The following SCAPER variants were observed in gnomAD, a reference collection of about 807,000 sequenced individuals.
SCAPER encodes S phase cyclin A-associated protein in the endoplasmic reticulum.
In SCAPER, 98 loss-of-function variants were observed where a neutral mutation model predicts 182.2. The ratio of observed to expected loss-of-function variants is 0.54; its 90% CI spans 0.46 to 0.64. The LOEUF (loss-of-function observed/expected upper bound fraction) is 0.64. SCAPER is among the 30% of genes least tolerant of loss of function. The pLI is 0.00. For missense variants in SCAPER, 1,432 were observed against 1,690.0 expected (o/e 0.85, Z 2.68); for synonymous variants, 605 against 564.6 (o/e 1.07, Z -1.01).
chr15:76,426,495 C>T (rs1199016474), intron 26 of SCAPER, among the ~76,000 whole-genome samples: 1 of 152,124 alleles, frequency 6.6e-6, no homozygotes, highest in Non-Finnish European at 1.5e-5. Flanking sequence ...ATGCTGGGAG[C>T]TGTAGACTGG....
chr15:76,806,138 T>C (rs923935777), intron 5 of SCAPER, among the ~76,000 whole-genome samples: 1 of 152,202 alleles, frequency 6.6e-6, no homozygotes, highest in Non-Finnish European at 1.5e-5. Context: ...GTCACAAAGA[T>C]GTATATGTTT....
chr15:76,574,106 T>A, intron 23 of SCAPER, 52 bp downstream of exon 23: 2 of 1,552,482 alleles, frequency 1.3e-6, no homozygotes, highest in Non-Finnish European at 1.7e-6. Context: ...ACTGTCATAG[T>A]GAGAAAGGAT....
intron 23 of SCAPER, among the ~76,000 whole-genome samples, chr15:76,528,504 A>G (rs1597213673): frequency 6.6e-6 from 1 of 152,182 alleles, no homozygotes; most frequent in Non-Finnish European, 1.5e-5. Flanking sequence ...GAATGGCACC[A>G]CCATCCATAC....
At position 76,492,868 on chromosome 15, in the gene SCAPER, G is replaced by T. The variant is rs868194234; in HGVS notation, c.2954+11991C>A. On this transcript the variant is annotated intron_variant, in intron 24 of 31. Transcript: ENST00000563290. ...TAGACTTGTAACACAATCTGAGAGT[G>T]TTTTTTTTTTTTTTTTTGCAGAAGA... Among the ~76,000 whole-genome samples the T allele has an allele frequency of 3.0e-3, 363 of 121,634 alleles. 5 individuals are homozygous for T. Among genetic ancestry groups the T allele is most frequent in the African/African-American group, 9.3e-3 (312 of 33,578 alleles). The allele number at this position is 121,634 out of a possible 152,430, so 79.8% of individuals were successfully genotyped here. A position where few individuals can be genotyped will look rare whatever the true frequency, so the allele number is the denominator to read the frequency against.
chr15:76,865,088 A>G (rs1174093457), intron 2 of SCAPER, among the ~76,000 whole-genome samples: 2 of 152,196 alleles, frequency 1.3e-5, no homozygotes, highest in Non-Finnish European at 2.9e-5. Flanking sequence ...TTTAAATTAC[A>G]GCATTTACAT....
chr15:76,737,925 T>C (rs1469700098), intron 15 of SCAPER, among the ~76,000 whole-genome samples: 1 of 152,228 alleles, frequency 6.6e-6, no homozygotes, highest in Admixed American at 6.5e-5. Flanking sequence ...GATCTTACTC[T>C]GGATTAGGCT....
intron 8 of SCAPER, among the ~76,000 whole-genome samples, chr15:76,777,978 A>T (rs764362161): frequency 5.9e-5 from 9 of 152,220 alleles, no homozygotes; most frequent in Non-Finnish European, 8.8e-5. Context: ...CTATTTTATA[A>T]TAGAGTGTTA....
chr15:76,584,886 A>G (rs2439991), intron 22 of SCAPER, among the ~76,000 whole-genome samples: 20,785 of 152,112 alleles, frequency 0.14, 1,466 homozygotes, highest in African/African-American at 0.18. Context: ...TTCACAAAAG[A>G]CTATATTCCC....
At chr15:76,444,623 T>A (rs2047864129) in intron 25 of SCAPER, among the ~76,000 whole-genome samples, 1 of 152,240 alleles carries the variant, frequency 6.6e-6, no homozygotes, top group Admixed American at 6.5e-5. Flanking sequence ...CACATTTACA[T>A]CTTTTGCCAA....
At chr15:76,844,838 G>C (rs556568021) in intron 4 of SCAPER, among the ~76,000 whole-genome samples, 1 of 152,122 alleles carries the variant, frequency 6.6e-6, no homozygotes, top group East Asian at 1.9e-4. Context: ...AACAGAGGAG[G>C]AGGGAATACT....
intron 22 of SCAPER, among the ~76,000 whole-genome samples, chr15:76,613,674 T>C (rs2051197894): frequency 6.6e-6 from 1 of 152,120 alleles, no homozygotes; most frequent in Non-Finnish European, 1.5e-5. Flanking sequence ...ACATCACTGA[T>C]CACTAGAGAA....
chr15:76,348,786 CT>C, intron 31 of SCAPER, 50 bp from the exon 32 acceptor site: 1 of 1,086,808 alleles, frequency 9.2e-7, no homozygotes, highest in South Asian at 1.6e-5. Context: ...GGGTTAAATT[CT>C]TTGAAGATTC....
chr15:76,461,330 CTT>C (rs58709477), intron 25 of SCAPER, among the ~76,000 whole-genome samples: 56 of 143,190 alleles, frequency 3.9e-4, no homozygotes, highest in East Asian at 8.0e-4. Flanking sequence ...TATTACCCAA[CTT>C]TTTTTTTTTT....
In SCAPER at chr15:76,375,451, CA is replaced by C. The variant is rs2042489779; in HGVS notation, c.3855+710del. ...AGGAGCCAAGAACAGTTTCATAGAGCACCAGACTCTAATACTATATGAAAAG... is the reference window on the plus strand; with the variant it reads ...AGGAGCCAAGAACAGTTTCATAGAGCCCAGACTCTAATACTATATGAAAAG... On this transcript the variant is annotated intron_variant, in intron 29 of 31. Transcript: ENST00000563290. Among the ~76,000 whole-genome samples, 5 of 151,852 alleles carry C rather than the reference CA, an allele frequency of 3.3e-5. No individual in the cohort carries two copies. In the South Asian group the frequency reaches 1.0e-3, roughly 32 times the overall value.
intron 8 of SCAPER, among the ~76,000 whole-genome samples, chr15:76,794,093 G>A (rs2065169307): frequency 6.6e-6 from 1 of 152,156 alleles, no homozygotes; most frequent in South Asian, 2.1e-4. Context: ...CCCACAGAAT[G>A]GCATAACTCG....
intron 19 of SCAPER, among the ~76,000 whole-genome samples, chr15:76,702,647 C>A (rs1373852059): frequency 6.6e-6 from 1 of 152,030 alleles, no homozygotes; most frequent in African/African-American, 2.4e-5. Flanking sequence ...CAGGGTTTCA[C>A]CATGTTGGAA....
At chr15:76,688,399 GA>G (rs1255075476) in intron 20 of SCAPER, among the ~76,000 whole-genome samples, 2 of 152,154 alleles carry the variant, frequency 1.3e-5, no homozygotes, top group Non-Finnish European at 2.9e-5. Context: ...TGTTTACTCT[GA>G]TGGTAGTTTC....
At chr15:76,652,518 TACACAC>T (rs71143350) in intron 21 of SCAPER, among the ~76,000 whole-genome samples, 1,021 of 88,880 alleles carry the variant, frequency 0.011, 8 homozygotes, top group African/African-American at 0.031. Context: ...TTTACATACA[TACACAC>T]ACACACACAC....
intron 5 of SCAPER, among the ~76,000 whole-genome samples, chr15:76,809,147 T>C (rs1025280129): frequency 1.3e-5 from 2 of 152,146 alleles, no homozygotes; most frequent in Admixed American, 6.6e-5. Context: ...ATCCATCTCC[T>C]ACAGAAGGCC....
Sources: allele counts gnomAD v4.1 joint callset (sites outside exome capture counted in the v4.1 genomes callset), GRCh38; gene constraint gnomAD v4.1.1; transcripts MANE v1.5; gene names NCBI Gene and HGNC (gene_info 2026-07-23, HGNC 2026-07-21).